ELOVL2: variants seen among roughly 807,000 people sequenced by gnomAD.
The protein encoded by ELOVL2 is ELOVL fatty acid elongase 2, also known as very long chain fatty acid elongase 2.
In ELOVL2, 38 loss-of-function variants were observed where a neutral mutation model predicts 37.7. That is an observed-to-expected ratio of 1.01 (90% CI 0.78 to 1.32). The LOEUF (loss-of-function observed/expected upper bound fraction) is 1.32, where lower values mean the gene tolerates loss of function less well. Ranked by LOEUF, ELOVL2 falls within the 40% of genes most tolerant of loss-of-function variation. The pLI, the probability that ELOVL2 is intolerant of heterozygous loss-of-function variation, is 0.00. For synonymous variants in ELOVL2, 115 were observed against 122.3 expected (o/e 0.94, Z 0.40); for missense variants, 352 against 363.6 (o/e 0.97, Z 0.26).
intron 1 of ELOVL2, among the ~76,000 whole-genome samples, chr6:11,014,469 A>G (rs914088492): frequency 6.7e-6 from 1 of 149,660 alleles, no homozygotes; most frequent in Non-Finnish European, 1.5e-5. Context: ...AAGAAGTGAG[A>G]CTCTATCAAA....
chr6:10,999,967 A>T (rs1782350674), intron 4 of ELOVL2, 120 bp downstream of exon 4: 1 of 834,796 alleles, frequency 1.2e-6, no homozygotes, highest in Admixed American at 2.3e-5. Flanking sequence ...CATTTCTATT[A>T]GAACAGGAAC....
At chr6:11,024,474 C>T (rs1481711542) in intron 1 of ELOVL2, among the ~76,000 whole-genome samples, 1 of 152,120 alleles carries the variant, frequency 6.6e-6, no homozygotes, top group African/African-American at 2.4e-5. Flanking sequence ...TCCCTAGACA[C>T]CACTATTTTT....
intron 2 of ELOVL2, among the ~76,000 whole-genome samples, chr6:11,007,615 G>A (rs1782501979): frequency 6.6e-6 from 1 of 152,160 alleles, no homozygotes. Flanking sequence ...TGCTATTTAA[G>A]CCACCCAGTT....
At position 10,990,343 on chromosome 6, in the gene ELOVL2, T is replaced by C. The variant is rs553054329; in HGVS notation, c.605A>G (p.Lys202Arg). ...CAGCTGAGCCTGTGTGAGATATTTC[T>C]TCCACCAAAGATACTTGTGCATAGA... ...FPSMHKYLWW[K>R]KYLTQAQLVQ... The change falls in exon 6 of 8, where the codon AAG becomes AGG. Residue 202 changes from lysine (K) to arginine (R), a missense_variant. By Grantham distance (26) the Lys-to-Arg change is conservative. Transcript: ENST00000354666. The C allele has an allele frequency of 3.7e-6, 6 of 1,612,950 alleles. No homozygotes were observed. The South Asian group carries it at 6.6e-5, about 18-fold the overall frequency.
At chr6:11,015,271 G>A (rs1782662542) in intron 1 of ELOVL2, among the ~76,000 whole-genome samples, 1 of 152,160 alleles carries the variant, frequency 6.6e-6, no homozygotes, top group African/African-American at 2.4e-5. Context: ...GCCCAAGTGA[G>A]AGAATCTGTA....
At chr6:10,987,141 G>A (rs1418316729) in intron 7 of ELOVL2, among the ~76,000 whole-genome samples, 2 of 152,186 alleles carry the variant, frequency 1.3e-5, no homozygotes, top group Non-Finnish European at 2.9e-5. Flanking sequence ...TTGCATAGAG[G>A]TGTTTGTAGT....
intron 3 of ELOVL2, among the ~76,000 whole-genome samples, chr6:11,003,693 C>A (rs1403374530): frequency 6.6e-6 from 1 of 152,178 alleles, no homozygotes; most frequent in African/African-American, 2.4e-5. Context: ...CTTGCTAACT[C>A]ATCTAGGGAG....
intron 4 of ELOVL2, among the ~76,000 whole-genome samples, chr6:10,999,822 C>T (rs1256333274): frequency 2.0e-5 from 3 of 152,162 alleles, no homozygotes; most frequent in Non-Finnish European, 4.4e-5. Flanking sequence ...GTAACTATAT[C>T]CCAGAGACAA....
intron 4 of ELOVL2, among the ~76,000 whole-genome samples, chr6:10,997,095 A>G (rs1338536701): frequency 6.6e-6 from 1 of 152,256 alleles, no homozygotes; most frequent in East Asian, 1.9e-4. Flanking sequence ...GTTTAGTTAT[A>G]GAAAATTTCA....
intron 1 of ELOVL2, among the ~76,000 whole-genome samples, chr6:11,023,613 A>G (rs1782799259): frequency 6.6e-6 from 1 of 152,162 alleles, no homozygotes; most frequent in Non-Finnish European, 1.5e-5. Flanking sequence ...CCTTCTTTTA[A>G]GCTATAAAAC....
chr6:10,983,977 A>G (rs1489410964), intron 7 of ELOVL2, 71 bp from the exon 8 acceptor site: 2 of 1,360,762 alleles, frequency 1.5e-6, no homozygotes, highest in Non-Finnish European at 1.0e-6. Flanking sequence ...TTAACAGTGC[A>G]TATAGTTAAA....
rs1781942422 is a variant in ELOVL2, at chr6:10,981,950, C to T, written c.*1831G>A. On this transcript the variant is annotated 3_prime_UTR_variant, in exon 8 of 8. Transcript: ENST00000354666. ...ATTAACAGTCATGCTTGAAGCTAGC[C>T]CTTGTTTTAAAATAAATTGCTGGGA... is the stretch of plus-strand genomic sequence containing the variant. The T allele has an allele frequency of 6.6e-6, 1 of 152,090 alleles. No homozygotes were observed. Among genetic ancestry groups the T allele is most frequent in the South Asian group, 2.1e-4 (1 of 4,820 alleles). 9.4% of individuals were successfully genotyped at this position (152,090 alleles called of 1,614,324 possible).
intron 5 of ELOVL2, among the ~76,000 whole-genome samples, chr6:10,993,838 A>C (rs1465437104): frequency 7.3e-6 from 1 of 137,672 alleles, no homozygotes; most frequent in Admixed American, 7.5e-5. Flanking sequence ...TTACAAGTGC[A>C]CGTCACCACG....
chr6:10,991,408 A>G (rs1436743514), intron 5 of ELOVL2, among the ~76,000 whole-genome samples: 1 of 149,606 alleles, frequency 6.7e-6, no homozygotes, highest in African/African-American at 2.5e-5. Flanking sequence ...TTTATTGGCT[A>G]TGTCCCCTTG....
chr6:11,006,262 A>T (rs1024848527), intron 2 of ELOVL2, among the ~76,000 whole-genome samples: 1 of 152,186 alleles, frequency 6.6e-6, no homozygotes, highest in Non-Finnish European at 1.5e-5. Flanking sequence ...TGGCCATGGG[A>T]CTGGACGTTT....
chr6:11,013,214 C>T (rs1782613252), intron 1 of ELOVL2, among the ~76,000 whole-genome samples: 1 of 152,166 alleles, frequency 6.6e-6, no homozygotes, highest in Non-Finnish European at 1.5e-5. Flanking sequence ...GATAAAAATT[C>T]TCTCTTTATT....
Position 11,044,261 on chromosome 6 carries a change from G to A in ELOVL2, c.-31C>T. The A allele has an allele frequency of 7.5e-7, 1 of 1,326,650 alleles. No homozygotes were observed. Among genetic ancestry groups the A allele is most frequent in the Non-Finnish European group, 9.6e-7 (1 of 1,040,904 alleles). The allele number at this position is 1,326,650 out of a possible 1,614,324, so 82.2% of individuals were successfully genotyped here. The stretch of plus-strand genomic sequence containing the variant: ...GCAGCGGCTGTGGCGCGGCGACCCG[G>A]GCGGGCGGCGATGCGCTGTCCAGGG... On this transcript the variant is annotated 5_prime_UTR_variant, in exon 1 of 8. Transcript: ENST00000354666. The surrounding 1 kb of genome is among the most constrained non-coding windows in gnomAD (Gnocchi z 5.6).
rs1783172554 is a variant in ELOVL2, at chr6:11,044,301, T to TG, written c.-72dup. 1 of 1,213,472 alleles carries TG rather than the reference T, an allele frequency of 8.2e-7. No homozygotes were observed. Among genetic ancestry groups the TG allele is most frequent in the African/African-American group, 1.6e-5 (1 of 61,872 alleles). The allele number at this position is 1,213,472 out of a possible 1,614,324, so 75.2% of individuals were successfully genotyped here. On this transcript the variant is annotated 5_prime_UTR_variant, in exon 1 of 8. Coordinates refer to ENST00000354666, the MANE Select transcript of ELOVL2 (RefSeq NM_017770.4). The surrounding 1 kb of genome is among the most constrained non-coding windows in gnomAD (Gnocchi z 5.6). ...GCTGTCCAGGGTAGCCGGGTCCCTC[T>TG]GCCCGGCGCTATCTCGGCGCCCGCG...
At chr6:11,024,531 T>C (rs1278750624) in intron 1 of ELOVL2, among the ~76,000 whole-genome samples, 1 of 152,204 alleles carries the variant, frequency 6.6e-6, no homozygotes, top group Non-Finnish European at 1.5e-5. Flanking sequence ...AAGTACTTAG[T>C]ATTACTGAAT....
Sources: gnomAD v4.1 joint callset for allele counts (sites outside exome capture counted in the v4.1 genomes callset) on GRCh38, gnomAD v4.1.1 for gene constraint, Gnocchi (gnomAD v3.1) non-coding constraint, MANE v1.5 for transcripts, NCBI Gene and HGNC (gene_info 2026-07-23, HGNC 2026-07-21) for gene names.